Variants in LRFN5 observed in about 807,000 individuals in gnomAD.
LRFN5 encodes the protein leucine-rich repeat and fibronectin type-III domain-containing protein 5.
Under a neutral mutation model 45.6 loss-of-function variants are expected in LRFN5, and 24 were observed. The ratio of observed to expected loss-of-function variants is 0.53; its 90% confidence interval spans 0.38 to 0.74. The LOEUF is 0.74. Ranked by LOEUF, LRFN5 falls within the 30% of genes least tolerant of loss-of-function variation. The pLI, the probability that LRFN5 is intolerant of heterozygous loss-of-function variation, is 0.00. For missense variants in LRFN5, 776 were observed against 861.5 expected, an observed-to-expected ratio of 0.90 and a Z score of 1.24; for synonymous variants, 340 against 313.8, an observed-to-expected ratio of 1.08 and a Z score of -0.88.
At chr14:41,714,318 C>T (rs572408753) in intron 1 of LRFN5, among the ~76,000 whole-genome samples, 2 of 152,238 alleles carry the variant, frequency 1.3e-5, no homozygotes, top group South Asian at 2.1e-4. Context: ...TCCTCAAGGA[C>T]TTACATTAAA....
chr14:41,756,168 A>T (rs1035985084), intron 1 of LRFN5, among the ~76,000 whole-genome samples: 42 of 152,164 alleles, frequency 2.8e-4, no homozygotes, highest in African/African-American at 1.0e-3. Flanking sequence ...TTTGTGGGTA[A>T]GCCGACCTTT....
chr14:41,661,471 A>C (rs142736820), intron 1 of LRFN5, among the ~76,000 whole-genome samples: 1 of 152,202 alleles, frequency 6.6e-6, no homozygotes, highest in Non-Finnish European at 1.5e-5. Flanking sequence ...TTTGTGAAAT[A>C]ATGTACAATA....
chr14:41,809,837 G>A (rs554827722), intron 2 of LRFN5, among the ~76,000 whole-genome samples: 2 of 151,736 alleles, frequency 1.3e-5, no homozygotes, highest in African/African-American at 4.8e-5. Flanking sequence ...TAAAAATACT[G>A]TACACTCCTG....
chr14:41,711,419 G>C (rs1411105132), intron 1 of LRFN5, among the ~76,000 whole-genome samples: 1 of 152,144 alleles, frequency 6.6e-6, no homozygotes, highest in Non-Finnish European at 1.5e-5. Flanking sequence ...CCTATATAAA[G>C]CCAGCCCTGG....
chr14:41,868,024 T>C (rs1889897094), intron 2 of LRFN5, among the ~76,000 whole-genome samples: 1 of 152,084 alleles, frequency 6.6e-6, no homozygotes, highest in Admixed American at 6.6e-5. Context: ...ATATTCACCA[T>C]GGAGTTGCTA....
chr14:41,796,239 T>G (rs1024995613), intron 2 of LRFN5, among the ~76,000 whole-genome samples: 1 of 152,006 alleles, frequency 6.6e-6, no homozygotes, highest in Non-Finnish European at 1.5e-5. Flanking sequence ...ATCATTTTGC[T>G]TAATGATAAT....
At chr14:41,894,084 A>T (rs10142615) in intron 4 of LRFN5, 654,649 of 982,568 alleles carry the variant, frequency 0.67, 218,849 homozygotes, top group Middle Eastern at 0.82. Flanking sequence ...TCTTAGATTT[A>T]TCAGCATAGT....
At chr14:41,657,584 A>C (rs533433944) in intron 1 of LRFN5, among the ~76,000 whole-genome samples, 1 of 152,020 alleles carries the variant, frequency 6.6e-6, no homozygotes, top group African/African-American at 2.4e-5. Flanking sequence ...GCCTTTTAAA[A>C]CCTTTTGATT....
chr14:41,751,999 G>A (rs1885154727), intron 1 of LRFN5, among the ~76,000 whole-genome samples: 1 of 152,090 alleles, frequency 6.6e-6, no homozygotes, highest in African/African-American at 2.4e-5. Flanking sequence ...CAATCTATGA[G>A]TGAGAACATG....
At chr14:41,724,378 A>G (rs1336796383) in intron 1 of LRFN5, among the ~76,000 whole-genome samples, 1 of 152,192 alleles carries the variant, frequency 6.6e-6, no homozygotes, top group Non-Finnish European at 1.5e-5. Flanking sequence ...TTAGAGCATA[A>G]GGTTTTTTTC....
In LRFN5 at chr14:41,886,615, C is replaced by G. The variant is rs780577551; in HGVS notation, c.-11C>G. 1 of 1,558,606 alleles carries G rather than the reference C, an allele frequency of 6.4e-7. No homozygotes were observed. Among genetic ancestry groups the G allele is most frequent in the Non-Finnish European group, 8.6e-7 (1 of 1,157,850 alleles). ...GTGTCTTCCGTTACAGGCTCTTAAA[C>G]CTGATCTACAATGGAAAAAATTCTT... On this transcript the variant is annotated 5_prime_UTR_variant, in exon 3 of 6. Transcript: ENST00000298119.
intron 2 of LRFN5, among the ~76,000 whole-genome samples, chr14:41,813,646 T>G (rs1320825889): frequency 6.6e-6 from 1 of 152,192 alleles, no homozygotes; most frequent in East Asian, 1.9e-4. Context: ...AGTGCCACAA[T>G]AAACATATGT....
chr14:41,624,502 TC>T (rs1359166790), intron 1 of LRFN5, among the ~76,000 whole-genome samples: 2 of 152,138 alleles, frequency 1.3e-5, no homozygotes, highest in Admixed American at 1.3e-4. Context: ...TAGAATCTTT[TC>T]CAATTTAGGT....
At position 41,607,322 on chromosome 14, in the gene LRFN5, G is replaced by T. The variant is rs1478518399; in HGVS notation, c.-1437G>T. ...TATATCAGAAAAAAAAAGCGCAACT[G>T]GACGGGGGTGGGGCAGACCAACGAA... On this transcript the variant is annotated 5_prime_UTR_variant, in exon 1 of 6. Coordinates refer to ENST00000298119, the MANE Select transcript of LRFN5 (RefSeq NM_152447.5). Among the ~76,000 whole-genome samples the T allele has an allele frequency of 6.6e-6, 1 of 152,096 alleles. No individual in the cohort carries two copies. Among genetic ancestry groups the T allele is most frequent in the Non-Finnish European group, 1.5e-5 (1 of 68,008 alleles).
intron 1 of LRFN5, among the ~76,000 whole-genome samples, chr14:41,755,963 G>A (rs999746109): frequency 2.6e-5 from 4 of 152,078 alleles, no homozygotes; most frequent in African/African-American, 7.2e-5. Context: ...CAGGCCTGGC[G>A]GTGAGAAAAT....
intron 2 of LRFN5, among the ~76,000 whole-genome samples, chr14:41,842,668 T>C (rs1458925125): frequency 6.6e-6 from 1 of 152,192 alleles, no homozygotes; most frequent in Non-Finnish European, 1.5e-5. Flanking sequence ...AAATAGTTAA[T>C]TTTAAACAAA....
chr14:41,860,713 C>T (rs1045568881), intron 2 of LRFN5, among the ~76,000 whole-genome samples: 11 of 152,188 alleles, frequency 7.2e-5, no homozygotes, highest in African/African-American at 2.4e-4. Flanking sequence ...GCTTACATGA[C>T]TGCCCTGGTG....
chr14:41,764,281 G>A (rs1486242834), intron 1 of LRFN5, among the ~76,000 whole-genome samples: 1 of 152,128 alleles, frequency 6.6e-6, no homozygotes, highest in Non-Finnish European at 1.5e-5. Context: ...CCCAAGGTTA[G>A]TTGACCTTTC....
intron 1 of LRFN5, among the ~76,000 whole-genome samples, chr14:41,627,021 C>T (rs1214052883): frequency 1.3e-5 from 2 of 152,076 alleles, no homozygotes; most frequent in African/African-American, 4.8e-5. Flanking sequence ...TAAATCATAT[C>T]TTTGCTCTGT....
Sources: gnomAD v4.1 joint callset for allele counts (sites outside exome capture counted in the v4.1 genomes callset) on GRCh38, gnomAD v4.1.1 for gene constraint, MANE v1.5 for transcripts, NCBI Gene and HGNC (gene_info 2026-07-23, HGNC 2026-07-21) for gene names.